The following FOXR2 variants were observed in gnomAD, a reference collection of about 807,000 sequenced individuals.
FOXR2 encodes the protein forkhead box R2.
For synonymous variants in FOXR2, 109 were observed against 84.1 expected, an observed-to-expected ratio of 1.30 and a Z score of -1.62; for missense variants, 234 against 227.1, an observed-to-expected ratio of 1.03 and a Z score of -0.20.
rs139149987 is a variant in FOXR2, at chrX:55,624,848, G to C, written c.*201G>C. On this transcript the variant is annotated 3_prime_UTR_variant, in exon 1 of 1. Coordinates refer to ENST00000339140, the MANE Select transcript of FOXR2 (RefSeq NM_198451.4). Reference sequence around the variant, plus strand: ...TCCAGGTGGAGAGTCATGGAAAGTCGCACGAGGAGAGTGGCTGTTGTTCCA... The same window carrying C: ...TCCAGGTGGAGAGTCATGGAAAGTCCCACGAGGAGAGTGGCTGTTGTTCCA... The C allele has an allele frequency of 2.7e-6, 1 of 375,721 alleles. No homozygotes were observed. Among genetic ancestry groups the C allele is most frequent in the East Asian group, 4.1e-5 (1 of 24,664 alleles). 31.0% of individuals were successfully genotyped at this position (375,721 alleles called of 1,213,427 possible).
Position 55,624,362 on chromosome X carries a change from G to A in FOXR2, c.651G>A (p.Glu217=). 2 of 1,212,280 alleles carry A rather than the reference G, an allele frequency of 1.6e-6. No homozygotes were observed. Among genetic ancestry groups the A allele is most frequent in the Non-Finnish European group, 2.2e-6 (2 of 895,619 alleles). The change falls in exon 1 of 1, where the codon GAG becomes GAA. Residue 217 remains glutamate, a synonymous_variant. Coordinates refer to ENST00000339140, the MANE Select transcript of FOXR2 (RefSeq NM_198451.4). Reference sequence around the variant, plus strand: ...CCCACTGTGGCCTCAGTGTGCAGGAGATCTACAATTTCACCCGACAGCATT... The same window carrying A: ...CCCACTGTGGCCTCAGTGTGCAGGAAATCTACAATTTCACCCGACAGCATT... ...NNPHCGLSVQ[E]IYNFTRQHFP...
rs779279037 is a variant in FOXR2 at position 55,623,950 on chromosome X, T to C, written c.239T>C (p.Met80Thr). 1 of 1,211,154 alleles carries C rather than the reference T, an allele frequency of 8.3e-7. No individual in the cohort carries two copies. The highest frequency in any genetic ancestry group is 3.0e-5 in the East Asian group (1 of 33,803). Residue 80 changes from methionine to threonine, a missense_variant, in exon 1 of 1, where the codon ATG becomes ACG. By Grantham distance (81) the Met-to-Thr change is moderately conservative. Coordinates refer to ENST00000339140, the MANE Select transcript of FOXR2 (RefSeq NM_198451.4). The stretch of plus-strand genomic sequence containing the variant: ...CCTCCCTGTGAACCCAATCTGTGGA[T>C]GTGGGTGGACCCCAATATCCTGTGC... ...DGPPCEPNLWMWVDPNILCPL... is the reference protein window; with the variant it reads ...DGPPCEPNLWTWVDPNILCPL...
Position 55,624,426 on chromosome X carries a change from A to C in FOXR2, c.715A>C (p.Thr239Pro), listed in dbSNP as rs749976056. 5.8e-6 allele frequency: 7 copies of C among 1,210,237 alleles called. No individual in the cohort carries two copies. Among genetic ancestry groups the C allele is most frequent in the Non-Finnish European group, 7.8e-6 (7 of 895,058 alleles). ...FWTAPDGWKSTIHYNLCFLDS... is the reference protein window; with the variant it reads ...FWTAPDGWKSPIHYNLCFLDS... ...GACAGCTCCGGATGGCTGGAAGAGC[A>C]CCATTCATTACAACCTCTGCTTCCT... Residue 239 changes from threonine (T) to proline (P), a missense_variant, in exon 1 of 1, where the codon ACC (threonine) becomes CCC (proline). By Grantham distance (38) the Thr-to-Pro change is conservative (BLOSUM62 -1). Coordinates refer to ENST00000339140, the MANE Select transcript of FOXR2 (RefSeq NM_198451.4).
rs1166258379 is a variant in FOXR2, at chrX:55,625,938, C to T, written c.*1291C>T. Among the ~76,000 whole-genome samples, 1 of 110,745 alleles carries T rather than the reference C, an allele frequency of 9.0e-6. No homozygotes were observed. Among genetic ancestry groups the T allele is most frequent in the Non-Finnish European group, 1.9e-5 (1 of 52,888 alleles). The stretch of plus-strand genomic sequence containing the variant: ...TTTAGGTATAAATTTAGTTGCAAAA[C>T]CTTCATAATGGGGGTACAAAAACGC... On this transcript the variant is annotated 3_prime_UTR_variant, in exon 1 of 1. Transcript: ENST00000339140.
chrX:55,624,528 A>G lies in FOXR2; in HGVS notation c.817A>G (p.Thr273Ala). ...ACCTCGCTCTTGCCTTTGGAAGCTC[A>G]CTAAGGAGGGGCACCGCCGCTTTTG... ...ARPRSCLWKLTKEGHRRFWEE... is the reference protein window; with the variant it reads ...ARPRSCLWKLAKEGHRRFWEE... Residue 273 changes from threonine to alanine, a missense_variant, in exon 1 of 1, where the codon ACT becomes GCT. Physicochemically the swap from Thr to Ala is moderately conservative, Grantham distance 58 (BLOSUM62 0). Transcript: ENST00000339140. 1 of 1,211,113 alleles carries G rather than the reference A, an allele frequency of 8.3e-7. No individual in the cohort carries two copies.
chrX:55,624,596 C>T lies in FOXR2; in HGVS notation c.885C>T (p.Ile295=), dbSNP rs2032325239. 1 of 1,210,024 alleles carries T rather than the reference C, an allele frequency of 8.3e-7. No homozygotes were observed. The highest frequency in any genetic ancestry group is 1.1e-6 in the Non-Finnish European group (1 of 894,799). ...TAGCCTTTGCTCAAAGGGAGAGAAT[C>T]CAAGAGTGCATGAGTCAGCCAGAGT... ...RVLAFAQRER[I]QECMSQPELL... The change falls in exon 1 of 1, where the codon ATC becomes ATT. Residue 295 remains isoleucine (I), a synonymous_variant. Coordinates refer to ENST00000339140, the MANE Select transcript of FOXR2 (RefSeq NM_198451.4).
In FOXR2 at chrX:55,623,836, C is replaced by G. The variant is rs148573271; in HGVS notation, c.125C>G (p.Ala42Gly). The change falls in exon 1 of 1, where the codon GCT (alanine) becomes GGT (glycine). Residue 42 changes from alanine (A) to glycine (G), a missense_variant. Coordinates refer to ENST00000339140, the MANE Select transcript of FOXR2 (RefSeq NM_198451.4). ...LPCTTDQCSLAEQILAKYRVG... is the reference protein window; with the variant it reads ...LPCTTDQCSLGEQILAKYRVG... ...TGTACCACAGACCAGTGCTCTTTAG[C>G]TGAGCAAATCCTTGCCAAATACAGA... The G allele has an allele frequency of 7.4e-6, 9 of 1,209,529 alleles. No individual in the cohort carries two copies. In the East Asian group the frequency reaches 2.1e-4, roughly 28 times the overall value.
In FOXR2 at chrX:55,625,704, T is replaced by A. The variant is rs2032335833; in HGVS notation, c.*1057T>A. On this transcript the variant is annotated 3_prime_UTR_variant, in exon 1 of 1. Transcript: ENST00000339140. Reference sequence around the variant, plus strand: ...AGGTGTTTGGACTTCATCTTGTGGGTTTTTAGGAGCCAAGAGACATCAGTG... The same window carrying A: ...AGGTGTTTGGACTTCATCTTGTGGGATTTTAGGAGCCAAGAGACATCAGTG... Among the ~76,000 whole-genome samples the A allele has an allele frequency of 9.0e-6, 1 of 110,723 alleles. No homozygotes were observed. The highest frequency in any genetic ancestry group is 1.9e-5 in the Non-Finnish European group (1 of 52,897).
chrX:55,624,629 C>G lies in FOXR2; in HGVS notation c.918C>G (p.Thr306=), dbSNP rs757548761. Reference sequence around the variant, plus strand: ...GCATGAGTCAGCCAGAGTTGTTGACCTCTCTCTTTGATCTTTGAAATGCCA... The same window carrying G: ...GCATGAGTCAGCCAGAGTTGTTGACGTCTCTCTTTGATCTTTGAAATGCCA... ...QECMSQPELL[T]SLFDL Residue 306 remains threonine, a synonymous_variant, in exon 1 of 1, where the codon ACC becomes ACG. Transcript: ENST00000339140. The G allele has an allele frequency of 3.3e-6, 4 of 1,202,444 alleles. No individual in the cohort carries two copies. The highest frequency in any genetic ancestry group is 4.5e-6 in the Non-Finnish European group (4 of 888,082).
chrX:55,623,680 G>C lies in FOXR2; in HGVS notation c.-32G>C, dbSNP rs980776211. 6.6e-6 allele frequency: 7 copies of C among 1,067,085 alleles called. No homozygotes were observed. The highest frequency in any genetic ancestry group is 9.0e-6 in the Non-Finnish European group (7 of 776,481). The allele number at this position is 1,067,085 out of a possible 1,213,427, so 87.9% of individuals were successfully genotyped here. ...TGCCTGCTAGATATCTGTTCTTTCA[G>C]AAGTCTCTCTCCACCTATCTCTCCA... On this transcript the variant is annotated 5_prime_UTR_variant, in exon 1 of 1. Transcript: ENST00000339140.
Sources: allele counts gnomAD v4.1 joint callset (sites outside exome capture counted in the v4.1 genomes callset), GRCh38; gene constraint gnomAD v4.1.1; transcripts MANE v1.5; gene names NCBI Gene and HGNC (gene_info 2026-07-23, HGNC 2026-07-21).